CLYBL: variants seen among roughly 807,000 people sequenced by gnomAD.
CLYBL encodes citramalyl-CoA lyase, mitochondrial.
Under a neutral mutation model 38.9 loss-of-function variants are expected in CLYBL, and 31 were observed. The ratio of observed to expected loss-of-function variants is 0.80; its 90% CI spans 0.60 to 1.08. The LOEUF is 1.08. CLYBL is among the 50% of genes least tolerant of loss of function. The pLI, the probability that CLYBL is intolerant of heterozygous loss-of-function variation, is 0.00. For synonymous variants in CLYBL, 171 were observed against 158.6 expected, an observed-to-expected ratio of 1.08 and a Z score of -0.59; for missense variants, 434 against 411.6, an observed-to-expected ratio of 1.05 and a Z score of -0.47.
At chr13:99,734,729 A>G (rs1248138173) in intron 1 of CLYBL, among the ~76,000 whole-genome samples, 1 of 152,200 alleles carries the variant, frequency 6.6e-6, no homozygotes, top group Non-Finnish European at 1.5e-5. Context: ...TGTACTGCCC[A>G]TTTTTGTACA....
chr13:99,819,103 T>TGGG (rs1300755138), intron 2 of CLYBL, among the ~76,000 whole-genome samples: 2 of 151,986 alleles, frequency 1.3e-5, no homozygotes, highest in Non-Finnish European at 2.9e-5. Flanking sequence ...TCCAGCACTT[T>TGGG]GGGAGGCTGA....
downstream of CLYBL, among the ~76,000 whole-genome samples, chr13:99,898,865 CA>C (rs1270094692): frequency 6.6e-6 from 1 of 152,104 alleles, no homozygotes; most frequent in Non-Finnish European, 1.5e-5. Context: ...TGTGTGTCCC[CA>C]AAAAATAGTG....
At chr13:99,737,214 AGT>A (rs2048682463) in intron 1 of CLYBL, among the ~76,000 whole-genome samples, 1 of 147,972 alleles carries the variant, frequency 6.8e-6, no homozygotes. Flanking sequence ...TCCCCCTGTA[AGT>A]GTGTTTCCTA....
intron 8 of CLYBL, chr13:99,891,666 T>A (rs1288104536): frequency 8.1e-6 from 3 of 369,664 alleles, no homozygotes; most frequent in Non-Finnish European, 1.5e-5. Context: ...GGGCTTATGA[T>A]TTCACAGGGA....
intron 1 of CLYBL, among the ~76,000 whole-genome samples, chr13:99,669,722 CAG>C (rs1444205671): frequency 6.6e-6 from 1 of 152,202 alleles, no homozygotes; most frequent in Non-Finnish European, 1.5e-5. Context: ...GAGATACAAA[CAG>C]TGTTCTGCAC....
At chr13:99,845,416 G>A (rs2051177524) in intron 2 of CLYBL, among the ~76,000 whole-genome samples, 1 of 152,072 alleles carries the variant, frequency 6.6e-6, no homozygotes, top group Non-Finnish European at 1.5e-5. Flanking sequence ...TTCACCGGGC[G>A]CAAAAAGAGG....
rs139697892 is a variant in CLYBL, at chr13:99,870,956, C to G, written c.821C>G (p.Pro274Arg). Reference protein sequence around the residue: ...MGFTGKQVIHPNQIAVVQEQF... With the variant: ...MGFTGKQVIHRNQIAVVQEQF... ...CTTGTAGGTAAGCAGGTGATTCACC[C>G]TAACCAAATTGCCGTGGTCCAGGAG... Residue 274 changes from proline to arginine, a missense_variant, in exon 7 of 9, where the codon CCT becomes CGT. Coordinates refer to ENST00000339105, the MANE Select transcript of CLYBL (RefSeq NM_206808.5). The G allele has an allele frequency of 2.5e-6, 4 of 1,612,070 alleles. No individual in the cohort carries two copies. In the African/African-American group the frequency reaches 5.3e-5, roughly 22 times the overall value.
intron 1 of CLYBL, among the ~76,000 whole-genome samples, chr13:99,755,728 G>C (rs1471321598): frequency 6.6e-6 from 1 of 152,190 alleles, no homozygotes; most frequent in East Asian, 1.9e-4. Context: ...AAGTCTCCCA[G>C]AGGGTGAGTG....
chr13:99,669,910 A>T (rs1380071595), intron 1 of CLYBL, among the ~76,000 whole-genome samples: 1 of 152,174 alleles, frequency 6.6e-6, no homozygotes, highest in Non-Finnish European at 1.5e-5. Context: ...AGCTGGGTGC[A>T]GGCTGGGCGC....
chr13:99,792,376 C>A (rs1281965053), intron 2 of CLYBL, among the ~76,000 whole-genome samples: 1 of 152,106 alleles, frequency 6.6e-6, no homozygotes, highest in Non-Finnish European at 1.5e-5. Flanking sequence ...TGGCCACCCT[C>A]AGTAGAGGGG....
intron 8 of CLYBL, among the ~76,000 whole-genome samples, chr13:99,904,764 A>G (rs1802580755): frequency 6.6e-6 from 1 of 152,238 alleles, no homozygotes; most frequent in African/African-American, 2.4e-5. Context: ...TTTTATGAAA[A>G]TGAAGGCAAA....
intron 1 of CLYBL, among the ~76,000 whole-genome samples, chr13:99,614,263 C>G (rs748039775): frequency 6.6e-6 from 1 of 152,126 alleles, no homozygotes; most frequent in Non-Finnish European, 1.5e-5. Flanking sequence ...GGCCTCCATT[C>G]TAGAACCGAG....
chr13:99,831,653 C>A (rs890156852), intron 2 of CLYBL, among the ~76,000 whole-genome samples: 5 of 151,462 alleles, frequency 3.3e-5, no homozygotes, highest in Non-Finnish European at 7.4e-5. Context: ...TTGAAGTAAG[C>A]ATTTTTTTTT....
chr13:99,736,746 C>T (rs1594149475), intron 1 of CLYBL, among the ~76,000 whole-genome samples: 1 of 152,198 alleles, frequency 6.6e-6, no homozygotes, highest in East Asian at 1.9e-4. Flanking sequence ...AGAACCCTCT[C>T]CACTGCCCTC....
At chr13:99,780,130 A>G (rs2049610705) in intron 2 of CLYBL, among the ~76,000 whole-genome samples, 1 of 152,166 alleles carries the variant, frequency 6.6e-6, no homozygotes, top group Admixed American at 6.6e-5. Context: ...CTTTAGGTAT[A>G]TACACATTTA....
rs149468565 is a variant in CLYBL, at chr13:99,866,329, G to A, written c.724G>A (p.Asp242Asn). 21 of 1,614,046 alleles carry A rather than the reference G, an allele frequency of 1.3e-5. No homozygotes were observed. Among genetic ancestry groups the A allele is most frequent in the Non-Finnish European group, 1.8e-5 (21 of 1,180,050 alleles). Residue 242 changes from aspartate (D) to asparagine (N), a missense_variant, in exon 6 of 9, where the codon GAT becomes AAT. Asp to Asn is a conservative substitution (Grantham distance 23). Transcript: ENST00000339105. Reference sequence around the variant, plus strand: ...GAAAGCCTTTGGTCTCCAAGCCATAGATCTGGTGTACATTGACTTTCGAGA... The same window carrying A: ...GAAAGCCTTTGGTCTCCAAGCCATAAATCTGGTGTACATTGACTTTCGAGA... ...IAKAFGLQAI[D>N]LVYIDFRDGA...
intron 2 of CLYBL, among the ~76,000 whole-genome samples, chr13:99,806,156 A>G (rs1246139870): frequency 1.3e-5 from 2 of 152,188 alleles, no homozygotes; most frequent in Non-Finnish European, 2.9e-5. Flanking sequence ...GAATTACCAA[A>G]TCAATGGGTA....
At position 99,852,004 on chromosome 13, in the gene CLYBL, C is replaced by T. The variant is rs185087036; in HGVS notation, c.250-6857C>T. ...ATCCATACAATAGAATATAATTTGGCAATAAAAAAGAATAAGTATGGATAG... is the reference window on the plus strand; with the variant it reads ...ATCCATACAATAGAATATAATTTGGTAATAAAAAAGAATAAGTATGGATAG... On this transcript the variant is annotated intron_variant, in intron 2 of 8. Coordinates refer to ENST00000339105, the MANE Select transcript of CLYBL (RefSeq NM_206808.5). Among the ~76,000 whole-genome samples, 283 of 152,126 alleles carry T rather than the reference C, an allele frequency of 1.9e-3. 2 individuals carry two copies. Among genetic ancestry groups the T allele is most frequent in the African/African-American group, 6.7e-3 (278 of 41,480 alleles).
intron 1 of CLYBL, among the ~76,000 whole-genome samples, chr13:99,754,966 C>T (rs1259896707): frequency 2.0e-5 from 3 of 151,592 alleles, no homozygotes; most frequent in Admixed American, 1.3e-4. Flanking sequence ...GGCGCAATCT[C>T]GCCTCACTGC....
Sources: gnomAD v4.1 joint callset for allele counts (sites outside exome capture counted in the v4.1 genomes callset) on GRCh38, gnomAD v4.1.1 for gene constraint, MANE v1.5 for transcripts, NCBI Gene and HGNC (gene_info 2026-07-23, HGNC 2026-07-21) for gene names.